Variants in CWC27 observed in about 807,000 individuals in gnomAD.
CWC27 encodes the protein CWC27 spliceosome associated cyclophilin, also known as spliceosome-associated protein CWC27 homolog.
A neutral mutation model predicts 63.6 loss-of-function variants in CWC27; 47 were observed. The observed-to-expected ratio is 0.74, with a 90% CI of 0.58 to 0.94. The LOEUF (loss-of-function observed/expected upper bound fraction) is 0.94. CWC27 is among the 40% of genes least tolerant of loss of function. The pLI is 0.00. For synonymous variants in CWC27, 175 were observed against 179.8 expected (o/e 0.97, Z 0.22); for missense variants, 495 against 554.3 (o/e 0.89, Z 1.07).
chr5:64,905,200 C>CAAAAAAAAAAAAAAAA (rs71608574), intron 11 of CWC27, among the ~76,000 whole-genome samples: 38 of 55,552 alleles, frequency 6.8e-4, no homozygotes, highest in African/African-American at 2.5e-3. Flanking sequence ...CACTACATCT[C>CAAAAAAAAAAAAAAAA]AAAAAAAAAA....
At chr5:64,864,804 A>G (rs890567289) in intron 10 of CWC27, among the ~76,000 whole-genome samples, 1 of 152,112 alleles carries the variant, frequency 6.6e-6, no homozygotes, top group Non-Finnish European at 1.5e-5. Context: ...ATGGGGTACA[A>G]TGTGAGGTTT....
At chr5:64,835,464 A>G (rs933176911) in intron 10 of CWC27, among the ~76,000 whole-genome samples, 4 of 151,742 alleles carry the variant, frequency 2.6e-5, no homozygotes, top group Admixed American at 1.3e-4. Context: ...ATAATTATAT[A>G]TTTTGGCTTG....
intron 11 of CWC27, among the ~76,000 whole-genome samples, chr5:64,956,444 G>A (rs1435832980): frequency 6.6e-6 from 1 of 151,820 alleles, no homozygotes; most frequent in East Asian, 1.9e-4. Flanking sequence ...ATTTCCTTTG[G>A]TTGTTATGTC....
At chr5:64,781,314 G>C (rs1002933095) in intron 2 of CWC27, among the ~76,000 whole-genome samples, 2 of 152,242 alleles carry the variant, frequency 1.3e-5, no homozygotes, top group Admixed American at 1.3e-4. Flanking sequence ...AGTTTCTTGA[G>C]GAGGGTGTAT....
intron 10 of CWC27, among the ~76,000 whole-genome samples, chr5:64,876,225 C>G (rs139136447): frequency 6.6e-6 from 1 of 152,158 alleles, no homozygotes. Flanking sequence ...TACTGTAAGT[C>G]TAAAAATTGT....
intron 11 of CWC27, among the ~76,000 whole-genome samples, chr5:64,913,038 A>G (rs924789510): frequency 6.6e-6 from 1 of 152,188 alleles, no homozygotes; most frequent in Non-Finnish European, 1.5e-5. Context: ...CAATATTTTA[A>G]TAATACATCA....
intron 10 of CWC27, among the ~76,000 whole-genome samples, chr5:64,865,607 A>G (rs1271388274): frequency 6.6e-6 from 1 of 152,052 alleles, no homozygotes; most frequent in African/African-American, 2.4e-5. Flanking sequence ...TTATTGGGAT[A>G]AACTTGAGAG....
At chr5:64,816,102 C>A (rs1413260606) in intron 10 of CWC27, among the ~76,000 whole-genome samples, 3 of 152,102 alleles carry the variant, frequency 2.0e-5, no homozygotes, top group Non-Finnish European at 4.4e-5. Context: ...TCCTCACATA[C>A]CTGTTTTCTC....
intron 13 of CWC27, among the ~76,000 whole-genome samples, chr5:65,013,837 G>C (rs1390961188): frequency 6.6e-6 from 1 of 152,046 alleles, no homozygotes; most frequent in African/African-American, 2.4e-5. Flanking sequence ...AAAGATAGCT[G>C]TTTATATTAT....
chr5:64,928,532 T>C (rs564027718), intron 11 of CWC27, among the ~76,000 whole-genome samples: 1 of 152,236 alleles, frequency 6.6e-6, no homozygotes, highest in African/African-American at 2.4e-5. Context: ...CTTAATTTTT[T>C]TATTCTTTGT....
chr5:64,933,156 G>A (rs1391111243), intron 11 of CWC27, among the ~76,000 whole-genome samples: 1 of 152,158 alleles, frequency 6.6e-6, no homozygotes, highest in Non-Finnish European at 1.5e-5. Context: ...AGATGGTGCT[G>A]ATACTGCAGA....
At position 64,931,988 on chromosome 5, in the gene CWC27, CACAA is replaced by C. The variant is rs558179841; in HGVS notation, c.1043-39710_1043-39707del. On this transcript the variant is annotated intron_variant, in intron 11 of 13. Transcript: ENST00000381070. The stretch of plus-strand genomic sequence containing the variant: ...AAGCATCCTTGTACACTTCTGTGTA[CACAA>C]ACAAGAGTTTCTTTAGGGTACGTCT... 3.3e-5 allele frequency among the ~76,000 whole-genome samples: 5 copies of C among 152,034 alleles called. No individual in the cohort carries two copies. The South Asian group carries it at 1.0e-3, about 32-fold the overall frequency.
chr5:64,784,841 C>T (rs1359460385), intron 4 of CWC27, among the ~76,000 whole-genome samples: 1 of 152,214 alleles, frequency 6.6e-6, no homozygotes, highest in Non-Finnish European at 1.5e-5. Context: ...GCCACTCCAG[C>T]ACAGCCTGTC....
At chr5:64,849,995 A>G (rs538488856) in intron 10 of CWC27, among the ~76,000 whole-genome samples, 1 of 152,326 alleles carries the variant, frequency 6.6e-6, no homozygotes, top group African/African-American at 2.4e-5. Flanking sequence ...ATGGTGATCT[A>G]TGGATTTAAT....
intron 10 of CWC27, among the ~76,000 whole-genome samples, chr5:64,867,285 A>G (rs758694244): frequency 2.0e-5 from 3 of 152,100 alleles, no homozygotes; most frequent in Non-Finnish European, 4.4e-5. Context: ...ACTTAGAAAT[A>G]GGAGGATATA....
At chr5:64,973,692 A>C (rs1027893833) in intron 12 of CWC27, among the ~76,000 whole-genome samples, 4 of 152,202 alleles carry the variant, frequency 2.6e-5, no homozygotes, top group Non-Finnish European at 2.9e-5. Context: ...AATATAGAAG[A>C]AGCTAAAAAT....
chr5:64,856,260 C>T lies in CWC27; in HGVS notation c.939-29183C>T, dbSNP rs571902291. 2.0e-4 allele frequency among the ~76,000 whole-genome samples: 30 copies of T among 152,030 alleles called. No individual in the cohort carries two copies. The South Asian group carries it at 6.2e-3, about 31-fold the overall frequency. ...AATACTTTTTTTAAATGGTAATACA[C>T]TTATATTTTAATTGAAGCTTTAGTA... On this transcript the variant is annotated intron_variant, in intron 10 of 13. Coordinates refer to ENST00000381070, the MANE Select transcript of CWC27 (RefSeq NM_005869.4).
intron 1 of CWC27, 76 bp from the exon 2 acceptor site, chr5:64,774,615 G>T: frequency 2.4e-6 from 2 of 832,402 alleles, no homozygotes; most frequent in Non-Finnish European, 3.5e-6. Context: ...ACTAGTGATT[G>T]CTACAAGTCA....
chr5:64,796,210 G>T (rs1468403963), intron 7 of CWC27, among the ~76,000 whole-genome samples: 1 of 151,936 alleles, frequency 6.6e-6, no homozygotes, highest in Middle Eastern at 3.2e-3. Context: ...ATTAGTTAGG[G>T]TTCTACAGAG....
Sources: allele counts gnomAD v4.1 joint callset (sites outside exome capture counted in the v4.1 genomes callset), GRCh38; gene constraint gnomAD v4.1.1; transcripts MANE v1.5; gene names NCBI Gene and HGNC (gene_info 2026-07-23, HGNC 2026-07-21).